CMSS1: variants seen among roughly 807,000 people sequenced by gnomAD.
The protein encoded by CMSS1 is protein CMSS1.
CMSS1 carries 33 observed loss-of-function variants against 43.5 expected under a neutral mutation model. That is an observed-to-expected ratio of 0.76 (90% CI 0.57 to 1.01). CMSS1 has a LOEUF of 1.01. Among genes scored for constraint, CMSS1 ranks in the 50% least tolerant of loss-of-function variants. The probability of loss-of-function intolerance (pLI) is 0.00; values close to 1 mark genes in which losing one functional copy is unlikely to be tolerated. For missense variants in CMSS1, 313 were observed against 326.4 expected, an observed-to-expected ratio of 0.96 and a Z score of 0.32; for synonymous variants, 115 against 117.2, an observed-to-expected ratio of 0.98 and a Z score of 0.12.
At chr3:100,132,213 G>A (rs1279535016) in intron 1 of CMSS1, among the ~76,000 whole-genome samples, 3 of 130,332 alleles carry the variant, frequency 2.3e-5, no homozygotes, top group African/African-American at 8.8e-5. Flanking sequence ...ACCAGCCTGA[G>A]CAACAAAGAA....
At chr3:99,922,909 GCCCTTA>G (rs1443744049) in intron 1 of CMSS1, among the ~76,000 whole-genome samples, 1 of 152,062 alleles carries the variant, frequency 6.6e-6, no homozygotes, top group Non-Finnish European at 1.5e-5. Context: ...TTTGGCTTCT[GCCCTTA>G]CCACTTTATT....
At chr3:99,830,670 T>C (rs578038919) in intron 1 of CMSS1, 3 of 444,290 alleles carry the variant, frequency 6.8e-6, no homozygotes, top group Non-Finnish European at 1.4e-5. Context: ...AGAAATTGTT[T>C]AGGACATGGA....
intron 1 of CMSS1, among the ~76,000 whole-genome samples, chr3:99,862,548 T>C (rs1458966415): frequency 6.6e-6 from 1 of 152,118 alleles, no homozygotes; most frequent in Non-Finnish European, 1.5e-5. Flanking sequence ...CACTGTAGGG[T>C]GTTTAGCAGC....
chr3:99,979,349 A>G (rs747995560), intron 1 of CMSS1, among the ~76,000 whole-genome samples: 1 of 152,234 alleles, frequency 6.6e-6, no homozygotes, highest in Non-Finnish European at 1.5e-5. Context: ...TTGTCTGTAT[A>G]TACGGCTCAG....
intron 1 of CMSS1, chr3:99,830,323 G>C: frequency 5.7e-6 from 2 of 352,198 alleles, no homozygotes; most frequent in South Asian, 4.3e-5. Flanking sequence ...CCATTTCCTG[G>C]AGAGATGGTC....
intron 1 of CMSS1, among the ~76,000 whole-genome samples, chr3:99,854,006 G>A (rs911504372): frequency 2.0e-5 from 3 of 152,182 alleles, no homozygotes; most frequent in Non-Finnish European, 4.4e-5. Flanking sequence ...GTACATGTGT[G>A]TCAGAGAGAG....
At chr3:99,988,339 TCCAAAAAA>T (rs1394458696) in intron 1 of CMSS1, among the ~76,000 whole-genome samples, 17 of 28,362 alleles carry the variant, frequency 6.0e-4, no homozygotes, top group African/African-American at 1.0e-3. Context: ...CTACTAAAAA[TCCAAAAAA>T]AAAAAAAAAA....
At chr3:100,099,224 A>G (rs1402298488) in intron 1 of CMSS1, among the ~76,000 whole-genome samples, 1 of 152,186 alleles carries the variant, frequency 6.6e-6, no homozygotes, top group Non-Finnish European at 1.5e-5. Context: ...TAGACTGAAT[A>G]TTTATCATCT....
At position 99,881,721 on chromosome 3, in the gene CMSS1, C is replaced by T. The variant is rs138965828; in HGVS notation, c.64+63678C>T. Among the ~76,000 whole-genome samples, 74 of 152,084 alleles carry T rather than the reference C, an allele frequency of 4.9e-4. No homozygotes were observed. The East Asian group carries it at 0.012, about 25-fold the overall frequency. On this transcript the variant is annotated intron_variant, in intron 1 of 9. Coordinates refer to ENST00000421999, the MANE Select transcript of CMSS1 (RefSeq NM_032359.4). ...CTAATTTTTGTATTTTTAGTAAAGACGGGGTTTCACCATGTTGGCCAGGCT... is the reference window on the plus strand; with the variant it reads ...CTAATTTTTGTATTTTTAGTAAAGATGGGGTTTCACCATGTTGGCCAGGCT...
intron 1 of CMSS1, among the ~76,000 whole-genome samples, chr3:100,010,986 TTA>T: frequency 1.3e-5 from 2 of 152,036 alleles, no homozygotes; most frequent in Middle Eastern, 6.8e-3. Context: ...TTTAAAACAG[TTA>T]TTTAACAGAA....
intron 1 of CMSS1, among the ~76,000 whole-genome samples, chr3:99,894,827 C>G (rs1463838480): frequency 6.6e-6 from 1 of 152,152 alleles, no homozygotes; most frequent in African/African-American, 2.4e-5. Flanking sequence ...TATATGTACT[C>G]CTATTATTAC....
At chr3:99,928,739 G>A (rs148107172) in intron 1 of CMSS1, among the ~76,000 whole-genome samples, 1 of 152,300 alleles carries the variant, frequency 6.6e-6, no homozygotes, top group African/African-American at 2.4e-5. Context: ...GAGCTCACAG[G>A]GGTTGGGGAA....
At chr3:100,115,551 TTCTCTTTCTCTCTCTCTC>T (rs2066552730) in intron 1 of CMSS1, among the ~76,000 whole-genome samples, 2 of 80,940 alleles carry the variant, frequency 2.5e-5, no homozygotes, top group African/African-American at 9.1e-5. Context: ...CTCCCTCTCT[TTCTCTTTCTCTCTCTCTC>T]TCTCTGTCTC....
chr3:100,130,737 G>A (rs563331792), intron 1 of CMSS1, among the ~76,000 whole-genome samples: 1 of 152,340 alleles, frequency 6.6e-6, no homozygotes, highest in South Asian at 2.1e-4. Context: ...ACAATGTGTA[G>A]TTGTGATAGA....
intron 1 of CMSS1, among the ~76,000 whole-genome samples, chr3:100,089,656 T>C (rs1339617099): frequency 6.6e-6 from 1 of 152,256 alleles, no homozygotes; most frequent in African/African-American, 2.4e-5. Context: ...ACTTTACTGA[T>C]GTCTTACATT....
At chr3:100,102,285 G>A (rs909956809) in intron 1 of CMSS1, among the ~76,000 whole-genome samples, 3 of 152,100 alleles carry the variant, frequency 2.0e-5, no homozygotes, top group East Asian at 3.9e-4. Flanking sequence ...AGCACCTGTT[G>A]TTTCCTGACT....
At chr3:100,045,424 A>G (rs747183160) in intron 1 of CMSS1, among the ~76,000 whole-genome samples, 54 of 152,362 alleles carry the variant, frequency 3.5e-4, no homozygotes, top group Middle Eastern at 3.4e-3. Flanking sequence ...AATCTGTGAA[A>G]ATATGTGTAT....
intron 2 of CMSS1, among the ~76,000 whole-genome samples, chr3:100,147,990 T>C (rs2066868641): frequency 1.3e-5 from 2 of 152,250 alleles, no homozygotes; most frequent in African/African-American, 4.8e-5. Context: ...GTATTTAGTT[T>C]GATGCAAAAG....
chr3:100,071,090 C>CTTTTTTTTT (rs61563009), intron 1 of CMSS1, among the ~76,000 whole-genome samples: 7 of 70,574 alleles, frequency 9.9e-5, no homozygotes, highest in African/African-American at 3.7e-4. Context: ...GCTACTCTCT[C>CTTTTTTTTT]TTTTTTTTTT....
Sources: gnomAD v4.1 joint callset for allele counts (sites outside exome capture counted in the v4.1 genomes callset) on GRCh38, gnomAD v4.1.1 for gene constraint, MANE v1.5 for transcripts, NCBI Gene and HGNC (gene_info 2026-07-23, HGNC 2026-07-21) for gene names.